The following NFIA variants were observed in gnomAD, a reference collection of about 807,000 sequenced individuals.
The protein encoded by NFIA is nuclear factor 1 A-type.
In NFIA, 8 loss-of-function variants were observed where a neutral mutation model predicts 62.8. The observed-to-expected ratio is 0.13, with a 90% CI of 0.07 to 0.23. The LOEUF (loss-of-function observed/expected upper bound fraction) is 0.23. Ranked by LOEUF, NFIA falls within the 10% of genes least tolerant of loss-of-function variation. The probability of loss-of-function intolerance (pLI) is 1.00; values close to 1 mark genes in which losing one functional copy is unlikely to be tolerated. For missense variants in NFIA, 410 were observed against 642.1 expected (o/e 0.64, Z 3.91); for synonymous variants, 235 against 238.1 (o/e 0.99, Z 0.12).
intron 7 of NFIA, among the ~76,000 whole-genome samples, chr1:61,401,739 G>A (rs945233580): frequency 6.6e-6 from 1 of 152,184 alleles, no homozygotes; most frequent in African/African-American, 2.4e-5. Context: ...GTTTCGTTTT[G>A]TTAGGCTCAG....
At chr1:61,428,011 A>T (rs1666943820) in intron 10 of NFIA, among the ~76,000 whole-genome samples, 1 of 152,158 alleles carries the variant, frequency 6.6e-6, no homozygotes, top group Admixed American at 6.6e-5. Context: ...GTTCAATGAG[A>T]GGGGGAAAAC....
chr1:61,233,060 C>T lies in NFIA; in HGVS notation c.560-44460C>T, dbSNP rs368698565. Among the ~76,000 whole-genome samples the T allele has an allele frequency of 8.3e-4, 127 of 152,242 alleles. 4 individuals are homozygous for T. The South Asian group carries it at 0.019, about 23-fold the overall frequency. ...TGTATTTAGTGCCTTTATATTGTCT[C>T]TGGACTCTGGAGCACTGCTTTTTAA... On this transcript the variant is annotated intron_variant, in intron 2 of 10. Coordinates refer to ENST00000403491, the MANE Select transcript of NFIA (RefSeq NM_001134673.4).
At chr1:61,119,483 A>C (rs1646851649) in intron 2 of NFIA, among the ~76,000 whole-genome samples, 1 of 152,218 alleles carries the variant, frequency 6.6e-6, no homozygotes, top group Non-Finnish European at 1.5e-5. Context: ...AATGTAAGCT[A>C]AGGATGCATT....
intron 2 of NFIA, among the ~76,000 whole-genome samples, chr1:61,197,234 C>CTTTTTTTTTTT (rs1002158986): frequency 1.1e-5 from 1 of 93,386 alleles, no homozygotes; most frequent in African/African-American, 4.4e-5. Context: ...TACTCTGGTT[C>CTTTTTTTTTTT]TTTTTTTTTT....
chr1:61,139,565 T>C (rs1647343775), intron 2 of NFIA, among the ~76,000 whole-genome samples: 1 of 152,220 alleles, frequency 6.6e-6, no homozygotes, highest in African/African-American at 2.4e-5. Context: ...TAGTAGCTGA[T>C]ACAGATCAGC....
At chr1:61,361,782 GGTGTGTGTGTGTGTGTGT>G (rs61410878) in intron 6 of NFIA, among the ~76,000 whole-genome samples, 6 of 142,178 alleles carry the variant, frequency 4.2e-5, no homozygotes, top group East Asian at 4.1e-4. Flanking sequence ...TTTGGTAAGA[GGTGTGTGTGTGTGTGTGT>G]GTGTGTGTGT....
intron 3 of NFIA, among the ~76,000 whole-genome samples, chr1:61,309,209 A>G (rs1403025104): frequency 1.3e-5 from 2 of 152,058 alleles, no homozygotes; most frequent in Non-Finnish European, 1.5e-5. Context: ...AAACATCTCT[A>G]TAGAGGGGAT....
chr1:61,265,021 T>G (rs550369724), intron 2 of NFIA, among the ~76,000 whole-genome samples: 6 of 152,192 alleles, frequency 3.9e-5, no homozygotes, highest in Non-Finnish European at 7.3e-5. Context: ...TTCACGTGTT[T>G]TAGTTATCTA....
At chr1:61,180,290 G>A (rs1020530421) in intron 2 of NFIA, among the ~76,000 whole-genome samples, 6 of 152,140 alleles carry the variant, frequency 3.9e-5, no homozygotes, top group African/African-American at 9.7e-5. Flanking sequence ...CAAAGACGCC[G>A]TAAGGAGCTT....
intron 4 of NFIA, among the ~76,000 whole-genome samples, chr1:61,345,579 G>A (rs1039805299): frequency 2.0e-5 from 3 of 152,148 alleles, no homozygotes; most frequent in Admixed American, 2.0e-4. Flanking sequence ...CAGCAGGAGG[G>A]GAGTGGCGGG....
chr1:61,188,242 C>T (rs893724303), intron 2 of NFIA, among the ~76,000 whole-genome samples: 21 of 152,050 alleles, frequency 1.4e-4, no homozygotes, highest in African/African-American at 4.3e-4. Flanking sequence ...GATGGGATTT[C>T]GCTGTGTTGG....
At chr1:61,351,338 G>C (rs1295347288) in intron 4 of NFIA, among the ~76,000 whole-genome samples, 1 of 152,144 alleles carries the variant, frequency 6.6e-6, no homozygotes, top group Non-Finnish European at 1.5e-5. Flanking sequence ...GGCAGTAGCA[G>C]GCTCTCAGTA....
chr1:61,426,442 G>A (rs1402064706), intron 9 of NFIA, 23 bp from the exon 10 acceptor site: 6 of 1,516,198 alleles, frequency 4.0e-6, no homozygotes, highest in Non-Finnish European at 5.4e-6. Context: ...CTTCCTGAAC[G>A]CATGTGTCCC....
intron 2 of NFIA, among the ~76,000 whole-genome samples, chr1:61,215,164 T>TA (rs1303133493): frequency 6.6e-6 from 1 of 152,200 alleles, no homozygotes; most frequent in South Asian, 2.1e-4. Context: ...ATGAAGATAT[T>TA]AAAAAATACC....
intron 3 of NFIA, among the ~76,000 whole-genome samples, chr1:61,313,533 A>G (rs1460957944): frequency 2.0e-5 from 3 of 152,168 alleles, no homozygotes; most frequent in African/African-American, 7.2e-5. Context: ...ATCTGCCCCC[A>G]TGATTCAATC....
Position 61,082,665 on chromosome 1 carries a change from T to TC in NFIA, c.-121dup, listed in dbSNP as rs1335327981. On this transcript the variant is annotated 5_prime_UTR_variant, in exon 1 of 11. Coordinates refer to ENST00000403491, the MANE Select transcript of NFIA (RefSeq NM_001134673.4). Reference sequence around the variant, plus strand: ...AAGAAGCAGGCTTGATTTTTTTTTCTCCCCCCTTCTCTCTCTCTCTCTCTC... The same window carrying TC: ...AAGAAGCAGGCTTGATTTTTTTTTCTCCCCCCCTTCTCTCTCTCTCTCTCTC... 2 of 1,519,568 alleles carry TC rather than the reference T, an allele frequency of 1.3e-6. No homozygotes were observed. Among genetic ancestry groups the TC allele is most frequent in the Admixed American group, 2.2e-5 (1 of 46,060 alleles). The allele number at this position is 1,519,568 out of a possible 1,614,324, so 94.1% of individuals were successfully genotyped here. A position where few individuals can be genotyped will look rare whatever the true frequency, so the allele number is the denominator to read the frequency against.
At chr1:61,149,950 A>G (rs1051933608) in intron 2 of NFIA, among the ~76,000 whole-genome samples, 3 of 152,122 alleles carry the variant, frequency 2.0e-5, no homozygotes, top group Non-Finnish European at 2.9e-5. Flanking sequence ...AGAACAGCTG[A>G]TTTAGGTCTA....
rs150035362 is a variant in NFIA, at chr1:61,187,004, A to T, written c.560-90516A>T. Among the ~76,000 whole-genome samples the T allele has an allele frequency of 1.0e-2, 1,517 of 152,288 alleles. 17 individuals are homozygous for T. The highest frequency in any genetic ancestry group is 0.061 in the Middle Eastern group (18 of 294). ...TGCTGTACTTTTGCTTTCATAATAC[A>T]TGGAAGCCCTGGAAGGATTCAGTAA... On this transcript the variant is annotated intron_variant, in intron 2 of 10. Transcript: ENST00000403491.
chr1:61,345,658 C>T (rs149383783), intron 4 of NFIA, among the ~76,000 whole-genome samples: 4 of 152,226 alleles, frequency 2.6e-5, no homozygotes, highest in African/African-American at 4.8e-5. Context: ...CTCCTAGGAA[C>T]GCAAACCCTA....
Sources: gnomAD v4.1 joint callset for allele counts (sites outside exome capture counted in the v4.1 genomes callset) on GRCh38, gnomAD v4.1.1 for gene constraint, MANE v1.5 for transcripts, NCBI Gene and HGNC (gene_info 2026-07-23, HGNC 2026-07-21) for gene names.